The following LMO7 variants were observed in gnomAD, a reference collection of about 807,000 sequenced individuals.
LMO7 encodes the protein LIM domain 7.
Under a neutral mutation model 206.5 loss-of-function variants are expected in LMO7, and 120 were observed. The observed-to-expected ratio is 0.58, with a 90% CI of 0.50 to 0.68. LMO7 has a LOEUF of 0.68. Among genes scored for constraint, LMO7 ranks in the 30% least tolerant of loss-of-function variants. The probability of loss-of-function intolerance (pLI) is 0.00; values close to 1 mark genes in which losing one functional copy is unlikely to be tolerated. For missense variants in LMO7, 1,959 were observed against 1,957.9 expected, an observed-to-expected ratio of 1.00 and a Z score of -0.01; for synonymous variants, 706 against 681.5, an observed-to-expected ratio of 1.04 and a Z score of -0.56.
At chr13:75,831,705 G>T (rs2058683547) in intron 15 of LMO7, among the ~76,000 whole-genome samples, 2 of 152,034 alleles carry the variant, frequency 1.3e-5, no homozygotes, top group African/African-American at 4.8e-5. Context: ...CTGCTCTTGT[G>T]GTAACTAATT....
chr13:75,813,097 A>G (rs77156845), intron 11 of LMO7, among the ~76,000 whole-genome samples: 1 of 152,212 alleles, frequency 6.6e-6, no homozygotes, highest in African/African-American at 2.4e-5. Context: ...TAATTCACGT[A>G]GACTGCTTGG....
intron 1 of LMO7, among the ~76,000 whole-genome samples, chr13:75,705,169 C>T (rs985284874): frequency 3.3e-5 from 5 of 152,172 alleles, no homozygotes; most frequent in South Asian, 2.1e-4. Flanking sequence ...TTGGCGCAGT[C>T]GCTTCCTAGC....
At chr13:75,760,650 A>T in intron 3 of LMO7, 1 of 1,487,066 alleles carries the variant, frequency 6.7e-7, no homozygotes, top group Non-Finnish European at 8.9e-7. Flanking sequence ...GTGGCTAGGC[A>T]CTTGTCCTGT....
intron 8 of LMO7, 145 bp from the exon 9 acceptor site, chr13:75,805,334 C>A: frequency 1.0e-6 from 1 of 989,524 alleles, no homozygotes; most frequent in Non-Finnish European, 1.5e-6. Flanking sequence ...ATAACTTTGT[C>A]CTAGGAGCTG....
At chr13:75,855,752 G>A (rs1026105051) in intron 29 of LMO7, among the ~76,000 whole-genome samples, 1 of 152,234 alleles carries the variant, frequency 6.6e-6, no homozygotes, top group East Asian at 1.9e-4. Context: ...TGAGTAGGAA[G>A]AATATGTAAG....
At chr13:75,791,030 G>A (rs1427083276) in intron 4 of LMO7, among the ~76,000 whole-genome samples, 7 of 150,106 alleles carry the variant, frequency 4.7e-5, no homozygotes, top group Non-Finnish European at 1.5e-5. Flanking sequence ...AGGCTGGAGT[G>A]CAGTGGCATG....
chr13:75,857,373 T>G (rs2061046509), intron 30 of LMO7: 1 of 152,268 alleles, frequency 6.6e-6, no homozygotes, highest in African/African-American at 2.4e-5. Flanking sequence ...CAAAATCATT[T>G]GCTTTTGAAC....
chr13:75,836,609 C>A, intron 19 of LMO7, 152 bp downstream of exon 19: 1 of 551,246 alleles, frequency 1.8e-6, no homozygotes. Flanking sequence ...CCAATTGCAG[C>A]CAGGTGGAAG....
chr13:75,839,910 G>A, intron 20 of LMO7, 175 bp from the exon 21 acceptor site: 1 of 558,028 alleles, frequency 1.8e-6, no homozygotes, highest in Non-Finnish European at 3.2e-6. Flanking sequence ...AGTAACAGAT[G>A]GAACTGTTAC....
intron 14 of LMO7, among the ~76,000 whole-genome samples, chr13:75,822,778 A>ATATATATATATG (rs1454803429): frequency 3.8e-5 from 4 of 104,542 alleles, no homozygotes; most frequent in Admixed American, 1.3e-4. Context: ...ATATATATAT[A>ATATATATATATG]TATATATATA....
chr13:75,755,884 G>A (rs1206808235), intron 3 of LMO7, among the ~76,000 whole-genome samples: 1 of 152,104 alleles, frequency 6.6e-6, no homozygotes. Context: ...GTGATGCCTC[G>A]ATTCTTCTTG....
At chr13:75,767,166 T>C (rs1325526381) in intron 4 of LMO7, among the ~76,000 whole-genome samples, 1 of 152,114 alleles carries the variant, frequency 6.6e-6, no homozygotes, top group Non-Finnish European at 1.5e-5. Context: ...TTTTAATAAA[T>C]CCTTGTGCGG....
intron 1 of LMO7, among the ~76,000 whole-genome samples, chr13:75,699,253 AT>A (rs767157085): frequency 6.6e-6 from 1 of 152,138 alleles, no homozygotes; most frequent in Non-Finnish European, 1.5e-5. Context: ...ATCAGAACAT[AT>A]TTCTGTTCCT....
intron 26 of LMO7, among the ~76,000 whole-genome samples, chr13:75,847,862 A>G (rs1006538006): frequency 6.6e-6 from 1 of 152,062 alleles, no homozygotes; most frequent in Non-Finnish European, 1.5e-5. Context: ...CAGTTACTTT[A>G]TGTTCTCATG....
chr13:75,625,661 T>A (rs1439915716), intron 2 of LMO7, among the ~76,000 whole-genome samples: 1 of 152,242 alleles, frequency 6.6e-6, no homozygotes, highest in African/African-American at 2.4e-5. Flanking sequence ...GGTCTATTTC[T>A]GTCCACGAAG....
chr13:75,702,175 G>T (rs2042328017), intron 1 of LMO7, among the ~76,000 whole-genome samples: 1 of 151,834 alleles, frequency 6.6e-6, no homozygotes, highest in Non-Finnish European at 1.5e-5. Context: ...AATTTTGAGT[G>T]TTTATAAAGA....
chr13:75,707,148 T>C (rs916942143), intron 1 of LMO7, among the ~76,000 whole-genome samples: 3 of 151,284 alleles, frequency 2.0e-5, no homozygotes, highest in Non-Finnish European at 4.4e-5. Flanking sequence ...TTAATAAATT[T>C]ATTTATAAAT....
At chr13:75,797,048 C>T (rs2054105916) in intron 6 of LMO7, among the ~76,000 whole-genome samples, 1 of 152,196 alleles carries the variant, frequency 6.6e-6, no homozygotes, top group Non-Finnish European at 1.5e-5. Flanking sequence ...TCCTTACACA[C>T]TTTATGTAGC....
Position 75,737,455 on chromosome 13 carries a change from T to TA in LMO7, c.210+10370dup, listed in dbSNP as rs869205095. On this transcript the variant is annotated intron_variant, in intron 3 of 30. Transcript: ENST00000377534. ...TACATGTTTTAGTTAATACCTTTTT[T>TA]AAAAAAAAAAAAACTTGGCCGGGCG... 2.8e-3 allele frequency among the ~76,000 whole-genome samples: 417 copies of TA among 146,430 alleles called. 2 individuals are homozygous for TA. The highest frequency in any genetic ancestry group is 3.9e-3 in the African/African-American group (155 of 40,006).
Sources: gnomAD v4.1 joint callset for allele counts (sites outside exome capture counted in the v4.1 genomes callset) on GRCh38, gnomAD v4.1.1 for gene constraint, MANE v1.5 for transcripts, NCBI Gene and HGNC (gene_info 2026-07-23, HGNC 2026-07-21) for gene names.